The following KCNQ1 variants were observed in gnomAD, a reference collection of about 807,000 sequenced individuals.
KCNQ1 encodes potassium voltage-gated channel subfamily Q member 1.
In KCNQ1, 49 loss-of-function variants were observed where a neutral mutation model predicts 72.4. That is an observed-to-expected ratio of 0.68 (90% CI 0.54 to 0.86). The LOEUF (loss-of-function observed/expected upper bound fraction) is 0.86, where lower values mean the gene tolerates loss of function less well. KCNQ1 is among the 40% of genes least tolerant of loss of function. The probability of loss-of-function intolerance (pLI) is 0.00; values close to 1 mark genes in which losing one functional copy is unlikely to be tolerated. For missense variants in KCNQ1, 790 were observed against 945.1 expected, an observed-to-expected ratio of 0.84 and a Z score of 2.15; for synonymous variants, 450 against 412.6, an observed-to-expected ratio of 1.09 and a Z score of -1.10.
chr11:2,670,246 G>T lies in KCNQ1; in HGVS notation c.1514+8165G>T. On this transcript the variant is annotated intron_variant, in intron 11 of 15. Transcript: ENST00000155840. This position sits in a 1 kb window ranked among gnomAD's most constrained non-coding sequence, Gnocchi z 4.9. Reference sequence around the variant, plus strand: ...ACCTGCCTTTGACCCTGCACATGACGGGCGAGGGAAGAGGACCATGGTAGC... The same window carrying T: ...ACCTGCCTTTGACCCTGCACATGACTGGCGAGGGAAGAGGACCATGGTAGC... The T allele has an allele frequency of 2.5e-6, 1 of 398,536 alleles. No homozygotes were observed. Among genetic ancestry groups the T allele is most frequent in the Non-Finnish European group, 4.4e-6 (1 of 226,060 alleles). The allele number at this position is 398,536 out of a possible 1,614,324, so 24.7% of individuals were successfully genotyped here. A position where few individuals can be genotyped will look rare whatever the true frequency, so the allele number is the denominator to read the frequency against.
intron 10 of KCNQ1, chr11:2,635,441 C>G (rs1163109794): frequency 6.6e-6 from 1 of 152,190 alleles, no homozygotes; most frequent in Non-Finnish European, 1.5e-5. Flanking sequence ...AATAGGGAAT[C>G]CTTTCCCCAT....
At position 2,838,102 on chromosome 11, in the gene KCNQ1, C is replaced by A. The variant is rs1477964071; in HGVS notation, c.1795-9665C>A. ...AAATTCAGGAATATTTAGGGTATAC[C>A]TGCTGCACGCCAAGGGCAGTTTCAG... On this transcript the variant is annotated intron_variant, in intron 15 of 15. Coordinates refer to ENST00000155840, the MANE Select transcript of KCNQ1 (RefSeq NM_000218.3). Among the ~76,000 whole-genome samples the A allele has an allele frequency of 2.0e-5, 3 of 152,200 alleles. No homozygotes were observed. In the East Asian group the frequency reaches 5.8e-4, roughly 29 times the overall value.
intron 6 of KCNQ1, among the ~76,000 whole-genome samples, chr11:2,574,776 C>T (rs1226148736): frequency 1.3e-5 from 2 of 152,230 alleles, no homozygotes; most frequent in Non-Finnish European, 2.9e-5. Context: ...TGCTGCAATG[C>T]TCAGGGATGG....
At chr11:2,503,609 G>T (rs1847051375) in intron 1 of KCNQ1, among the ~76,000 whole-genome samples, 2 of 151,794 alleles carry the variant, frequency 1.3e-5, no homozygotes, top group South Asian at 2.1e-4. Context: ...GTTAATGGGT[G>T]CAGCACACCA....
chr11:2,707,386 A>T (rs1590044810), intron 11 of KCNQ1, among the ~76,000 whole-genome samples: 1 of 152,242 alleles, frequency 6.6e-6, no homozygotes, highest in East Asian at 1.9e-4. Flanking sequence ...GAACTGCCCT[A>T]GTCAGGCCCT....
chr11:2,521,761 C>T (rs1033155961), intron 1 of KCNQ1, among the ~76,000 whole-genome samples: 8 of 152,250 alleles, frequency 5.3e-5, no homozygotes, highest in Non-Finnish European at 7.3e-5. Context: ...GGCCTGTCCC[C>T]GAGTGGGCAT....
intron 11 of KCNQ1, among the ~76,000 whole-genome samples, chr11:2,707,840 G>T (rs1303137958): frequency 6.6e-6 from 1 of 152,230 alleles, no homozygotes; most frequent in African/African-American, 2.4e-5. Flanking sequence ...GCCTTGGTGT[G>T]AGGGACACAG....
chr11:2,519,764 C>G (rs148354412), intron 1 of KCNQ1, among the ~76,000 whole-genome samples: 3,430 of 99,752 alleles, frequency 0.034, 113 homozygotes, highest in African/African-American at 0.1. Flanking sequence ...CATAGTACAG[C>G]AGGTGTTGGC....
rs1006661932 is a variant in KCNQ1 at position 2,463,985 on chromosome 11, G to A, written c.386+18501G>A. Reference sequence around the variant, plus strand: ...GGCAGTTGGGTCTGGTTTGATAACCGTGGACCGGGGTGACAGGCCCTGACT... The same window carrying A: ...GGCAGTTGGGTCTGGTTTGATAACCATGGACCGGGGTGACAGGCCCTGACT... On this transcript the variant is annotated intron_variant, in intron 1 of 15. Coordinates refer to ENST00000155840, the MANE Select transcript of KCNQ1 (RefSeq NM_000218.3). This position sits in a 1 kb window ranked among gnomAD's most constrained non-coding sequence, Gnocchi z 7.0. Among the ~76,000 whole-genome samples the A allele has an allele frequency of 1.8e-4, 28 of 152,340 alleles. No homozygotes were observed. Among genetic ancestry groups the A allele is most frequent in the Non-Finnish European group, 2.1e-4 (14 of 68,032 alleles).
At position 2,848,376 on chromosome 11, in the gene KCNQ1, G is replaced by C. The variant is rs1315129204; in HGVS notation, c.*373G>C. On this transcript the variant is annotated 3_prime_UTR_variant, in exon 16 of 16. Transcript: ENST00000155840. ...GTGCAGGCCCACCCTGCTTGGCCCA[G>C]GGGGCTTCCTGAGGGGAGACAGAGC... 2.0e-6 allele frequency: 1 copy of C among 503,310 alleles called. No individual in the cohort carries two copies. The highest frequency in any genetic ancestry group is 3.8e-6 in the Non-Finnish European group (1 of 264,800). 31.2% of individuals were successfully genotyped at this position (503,310 alleles called of 1,614,324 possible).
At chr11:2,840,916 C>T (rs1392323905) in intron 15 of KCNQ1, among the ~76,000 whole-genome samples, 2 of 152,158 alleles carry the variant, frequency 1.3e-5, no homozygotes, top group Non-Finnish European at 2.9e-5. Flanking sequence ...ACTAATTCAA[C>T]AAACATTTGT....
Position 2,768,968 on chromosome 11 carries a change from T to A in KCNQ1, c.1590+49T>A, listed in dbSNP as rs780985977. On this transcript the variant is annotated intron_variant, in intron 12 of 15. Coordinates refer to ENST00000155840, the MANE Select transcript of KCNQ1 (RefSeq NM_000218.3). This position sits in a 1 kb window ranked among gnomAD's most constrained non-coding sequence, Gnocchi z 6.7. ...TGCCCTCAGCCTGCCCCTCGCAGCCTGATGCAGCTGCCCACACCTCTCCTG... is the reference window on the plus strand; with the variant it reads ...TGCCCTCAGCCTGCCCCTCGCAGCCAGATGCAGCTGCCCACACCTCTCCTG... 2 of 1,442,488 alleles carry A rather than the reference T, an allele frequency of 1.4e-6. No individual in the cohort carries two copies. The highest frequency in any genetic ancestry group is 2.0e-6 in the Non-Finnish European group (2 of 1,024,710). The allele number at this position is 1,442,488 out of a possible 1,614,324, so 89.4% of individuals were successfully genotyped here.
In KCNQ1 at chr11:2,581,806, A is replaced by G. The variant is rs1848503121; in HGVS notation, c.922-1629A>G. On this transcript the variant is annotated intron_variant, in intron 6 of 15. Transcript: ENST00000155840. ...CGCTTGTGAGTGTGCACCCACATACACAGAGCCGGGTGGTCCACTGAAAGG... is the reference window on the plus strand; with the variant it reads ...CGCTTGTGAGTGTGCACCCACATACGCAGAGCCGGGTGGTCCACTGAAAGG... 3.9e-5 allele frequency among the ~76,000 whole-genome samples: 6 copies of G among 152,320 alleles called. No individual in the cohort carries two copies. In the South Asian group the frequency reaches 1.2e-3, roughly 32 times the overall value.
In KCNQ1 at chr11:2,497,788, C is replaced by T. The variant is rs1440599337; in HGVS notation, c.387-30140C>T. On this transcript the variant is annotated intron_variant, in intron 1 of 15. Coordinates refer to ENST00000155840, the MANE Select transcript of KCNQ1 (RefSeq NM_000218.3). This position sits in a 1 kb window ranked among gnomAD's most constrained non-coding sequence, Gnocchi z 4.5. ...GTTCAGCATTTTTGTGCTGGTTTTT[C>T]CTCATCTTTGTGGATTTATCTGCCT... 6.6e-6 allele frequency among the ~76,000 whole-genome samples: 1 copy of T among 152,152 alleles called. No individual in the cohort carries two copies. Among genetic ancestry groups the T allele is most frequent in the Non-Finnish European group, 1.5e-5 (1 of 68,026 alleles).
At chr11:2,532,145 C>T (rs577851342) in intron 2 of KCNQ1, among the ~76,000 whole-genome samples, 2 of 152,336 alleles carry the variant, frequency 1.3e-5, no homozygotes, top group East Asian at 3.9e-4. Context: ...CCCCGCCGAC[C>T]TGCCCTGTTC....
intron 11 of KCNQ1, among the ~76,000 whole-genome samples, chr11:2,751,607 C>T (rs958385562): frequency 2.0e-5 from 3 of 152,264 alleles, no homozygotes; most frequent in Non-Finnish European, 2.9e-5. Context: ...CTCTTTCAAA[C>T]GGGGCGGCGA....
At chr11:2,523,082 G>C (rs893083022) in intron 1 of KCNQ1, among the ~76,000 whole-genome samples, 1 of 152,250 alleles carries the variant, frequency 6.6e-6, no homozygotes, top group African/African-American at 2.4e-5. Flanking sequence ...GCCCAGGCGC[G>C]TGGTATTTGC....
At chr11:2,504,594 A>G (rs1218822408) in intron 1 of KCNQ1, among the ~76,000 whole-genome samples, 1 of 152,120 alleles carries the variant, frequency 6.6e-6, no homozygotes, top group Non-Finnish European at 1.5e-5. Flanking sequence ...CCTTCTCTAC[A>G]AAAAACAGGA....
intron 10 of KCNQ1, chr11:2,629,396 T>A: frequency 2.5e-6 from 1 of 398,530 alleles, no homozygotes; most frequent in East Asian, 3.6e-5. Context: ...CCAAATGAAG[T>A]CAATACCAAA....
Sources: gnomAD v4.1 joint callset for allele counts (sites outside exome capture counted in the v4.1 genomes callset) on GRCh38, gnomAD v4.1.1 for gene constraint, Gnocchi (gnomAD v3.1) non-coding constraint, MANE v1.5 for transcripts, NCBI Gene and HGNC (gene_info 2026-07-23, HGNC 2026-07-21) for gene names.